FAM185A: variants seen among roughly 807,000 people sequenced by gnomAD.
FAM185A encodes family with sequence similarity 185 member A, also known as protein FAM185A.
Under a neutral mutation model 45.7 loss-of-function variants are expected in FAM185A, and 21 were observed. The ratio of observed to expected loss-of-function variants is 0.46; its 90% CI spans 0.33 to 0.66. The LOEUF (loss-of-function observed/expected upper bound fraction) is 0.66. FAM185A is among the 30% of genes least tolerant of loss of function. The probability of loss-of-function intolerance (pLI) is 0.03; values close to 1 mark genes in which losing one functional copy is unlikely to be tolerated. For missense variants in FAM185A, 305 were observed against 485.4 expected (o/e 0.63, Z 3.49); for synonymous variants, 117 against 194.0 (o/e 0.60, Z 3.30).
intron 7 of FAM185A, among the ~76,000 whole-genome samples, chr7:102,802,280 A>G (rs563404304): frequency 6.6e-6 from 1 of 152,372 alleles, no homozygotes; most frequent in Non-Finnish European, 1.5e-5. Flanking sequence ...AAGATAGACC[A>G]TATGATAGGC....
chr7:102,832,324 C>T, the FAM185A span, among the ~76,000 whole-genome samples: 1 of 152,146 alleles, frequency 6.6e-6, no homozygotes, highest in Non-Finnish European at 1.5e-5. Flanking sequence ...GGAAATCATG[C>T]CTTTGTTTGA....
At chr7:102,758,650 T>C (rs1232277224) in intron 3 of FAM185A, among the ~76,000 whole-genome samples, 3 of 151,906 alleles carry the variant, frequency 2.0e-5, no homozygotes, top group East Asian at 1.9e-4. Context: ...TTTACACTTA[T>C]ACAATTTGCA....
chr7:102,838,296 T>C, the FAM185A span, among the ~76,000 whole-genome samples: 1 of 152,122 alleles, frequency 6.6e-6, no homozygotes, highest in African/African-American at 2.4e-5. Flanking sequence ...ATAGAGTTGT[T>C]GGGGAGATTA....
At chr7:102,786,828 T>TAA (rs202246667) in intron 6 of FAM185A, among the ~76,000 whole-genome samples, 3 of 104,156 alleles carry the variant, frequency 2.9e-5, no homozygotes, top group South Asian at 3.2e-4. Flanking sequence ...TAAAGTATAA[T>TAA]AAAAAAAAAA....
At position 102,749,559 on chromosome 7, in the gene FAM185A, C is replaced by T; in HGVS notation, c.352C>T (p.Leu118=). 6.6e-7 allele frequency: 1 copy of T among 1,523,314 alleles called. No homozygotes were observed. The allele number at this position is 1,523,314 out of a possible 1,614,324, so 94.4% of individuals were successfully genotyped here. The stretch of plus-strand genomic sequence containing the variant: ...GGGCGGCGTGCGGGGCCTGGACGGC[C>T]TGCAGGTGAAGTACGACGAGGATCT... ...VEGGVRGLDG[L]QVKYDEDLEE... is the part of the protein sequence containing the mutation. Residue 118 remains leucine (L), a synonymous_variant, in exon 1 of 8, where the codon CTG becomes TTG. Coordinates refer to ENST00000413034, the MANE Select transcript of FAM185A (RefSeq NM_001145268.2).
chr7:102,834,562 G>C, the FAM185A span: 8 of 151,240 alleles, frequency 5.3e-5, no homozygotes, highest in African/African-American at 1.9e-4. Flanking sequence ...ATGCACACTG[G>C]CTAGTGCTTG....
the FAM185A span, among the ~76,000 whole-genome samples, chr7:102,834,094 G>GGAAGGAAGGAAGGA: frequency 8.9e-4 from 77 of 86,718 alleles, 2 homozygotes; most frequent in South Asian, 3.1e-3. Flanking sequence ...AGAAAAGAAA[G>GGAAGGAAGGAAGGA]AAAGAAAGAA....
At chr7:102,841,218 T>C in the FAM185A span, among the ~76,000 whole-genome samples, 1 of 152,202 alleles carries the variant, frequency 6.6e-6, no homozygotes, top group Non-Finnish European at 1.5e-5. Flanking sequence ...TTTTCCCTTT[T>C]TTTAAATTTT....
At chr7:102,837,784 C>T in the FAM185A span, among the ~76,000 whole-genome samples, 1 of 152,218 alleles carries the variant, frequency 6.6e-6, no homozygotes, top group Admixed American at 6.5e-5. Flanking sequence ...ATCAAGTGAT[C>T]CTTCCTCCTT....
At chr7:102,807,716 T>C (rs77664294) in intron 7 of FAM185A, among the ~76,000 whole-genome samples, 1 of 148,776 alleles carries the variant, frequency 6.7e-6, no homozygotes, top group Non-Finnish European at 1.5e-5. Flanking sequence ...GTTCGAGACC[T>C]GCCTGACCAA....
At chr7:102,798,946 C>T (rs1310575212) in intron 7 of FAM185A, among the ~76,000 whole-genome samples, 1 of 152,274 alleles carries the variant, frequency 6.6e-6, no homozygotes, top group East Asian at 1.9e-4. Context: ...TGGGGTTTCA[C>T]CATGTTGGCC....
chr7:102,754,816 A>G (rs1316148831), intron 2 of FAM185A, among the ~76,000 whole-genome samples: 2 of 152,264 alleles, frequency 1.3e-5, no homozygotes, highest in Non-Finnish European at 2.9e-5. Context: ...ACCCTTAACT[A>G]ATTGAATGTC....
At chr7:102,760,105 T>C (rs1340252669) in intron 3 of FAM185A, among the ~76,000 whole-genome samples, 1 of 152,142 alleles carries the variant, frequency 6.6e-6, no homozygotes, top group Non-Finnish European at 1.5e-5. Context: ...ACCCATTTCG[T>C]CTATTTGGTG....
At chr7:102,755,109 A>T (rs1793625849) in intron 2 of FAM185A, 1 of 389,220 alleles carries the variant, frequency 2.6e-6, no homozygotes, top group Non-Finnish European at 4.6e-6. Context: ...AGAGTTCTTG[A>T]CTTAAAACAA....
intron 5 of FAM185A, among the ~76,000 whole-genome samples, chr7:102,774,637 C>A (rs1794945644): frequency 6.6e-6 from 1 of 152,138 alleles, no homozygotes; most frequent in Non-Finnish European, 1.5e-5. Flanking sequence ...TCTTTTTTTA[C>A]TTTCTTTGTT....
the FAM185A span, among the ~76,000 whole-genome samples, chr7:102,816,932 A>G: frequency 6.6e-6 from 1 of 152,238 alleles, no homozygotes; most frequent in Non-Finnish European, 1.5e-5. Flanking sequence ...TGCAAAGGAC[A>G]TGATTTCATT....
intron 6 of FAM185A, among the ~76,000 whole-genome samples, chr7:102,778,561 T>C (rs1795215392): frequency 6.6e-6 from 1 of 152,208 alleles, no homozygotes. Flanking sequence ...GTAAAACTTT[T>C]GAAGATTGTT....
At chr7:102,783,202 G>T (rs1444534440) in intron 6 of FAM185A, among the ~76,000 whole-genome samples, 12 of 151,446 alleles carry the variant, frequency 7.9e-5, no homozygotes, top group Non-Finnish European at 1.8e-4. Context: ...ATAATAATGG[G>T]AGACTTTAAC....
In FAM185A at chr7:102,808,590, C is replaced by T. The variant is rs1797267184; in HGVS notation, c.*188C>T. On this transcript the variant is annotated 3_prime_UTR_variant, in exon 8 of 8. Coordinates refer to ENST00000413034, the MANE Select transcript of FAM185A (RefSeq NM_001145268.2). ...GTATTCATTTTCTACTGCTCTGTAA[C>T]AAATTACCACAAATTTAGCAGCATA... The T allele has an allele frequency of 1.8e-6, 1 of 556,410 alleles. No homozygotes were observed. The highest frequency in any genetic ancestry group is 2.2e-5 in the South Asian group (1 of 45,848). 34.5% of individuals were successfully genotyped at this position (556,410 alleles called of 1,614,324 possible).
Sources: allele counts gnomAD v4.1 joint callset (sites outside exome capture counted in the v4.1 genomes callset), GRCh38; gene constraint gnomAD v4.1.1; transcripts MANE v1.5; gene names NCBI Gene and HGNC (gene_info 2026-07-23, HGNC 2026-07-21).